PLAAT5: variants seen among roughly 807,000 people sequenced by gnomAD.
PLAAT5 encodes the protein phospholipase A and acyltransferase 5.
In PLAAT5, 27 loss-of-function variants were observed where a neutral mutation model predicts 27.8. The ratio of observed to expected loss-of-function variants is 0.97; its 90% CI spans 0.72 to 1.34. The LOEUF (loss-of-function observed/expected upper bound fraction) is 1.34, where lower values mean the gene tolerates loss of function less well. Ranked by LOEUF, PLAAT5 falls within the 40% of genes most tolerant of loss-of-function variation. The probability of loss-of-function intolerance (pLI) is 0.00; values close to 1 mark genes in which losing one functional copy is unlikely to be tolerated. For synonymous variants in PLAAT5, 125 were observed against 136.1 expected, an observed-to-expected ratio of 0.92 and a Z score of 0.57; for missense variants, 368 against 343.8, an observed-to-expected ratio of 1.07 and a Z score of -0.56.
intron 3 of PLAAT5, among the ~76,000 whole-genome samples, chr11:63,469,103 CGTGT>C (rs34013443): frequency 0.024 from 3,276 of 134,348 alleles, 40 homozygotes; most frequent in East Asian, 0.052. Context: ...TCTCTATTAT[CGTGT>C]GTGTGTGTGT....
At chr11:63,475,394 G>C (rs1590616414) in intron 3 of PLAAT5, among the ~76,000 whole-genome samples, 1 of 152,044 alleles carries the variant, frequency 6.6e-6, no homozygotes, top group South Asian at 2.1e-4. Context: ...TGTCATTATA[G>C]AATGACCCTT....
chr11:63,466,555 G>T (rs554115036), intron 4 of PLAAT5, among the ~76,000 whole-genome samples, 183 bp from the exon 5 acceptor site: 1 of 152,226 alleles, frequency 6.6e-6, no homozygotes, highest in African/African-American at 2.4e-5. Flanking sequence ...GAAGCCCTTT[G>T]CCCTGCGCCT....
Position 63,466,267 on chromosome 11 carries a change from T to C in PLAAT5, c.560A>G (p.Asn187Ser), listed in dbSNP as rs761668281. 16 of 1,614,100 alleles carry C rather than the reference T, an allele frequency of 9.9e-6. No individual in the cohort carries two copies. Among genetic ancestry groups the C allele is most frequent in the African/African-American group, 1.3e-5 (1 of 74,936 alleles). ...DVLHGCSWKV[N>S]NKLDGTYLPL... ...CAGGTACGTCCCATCTAGCTTGTTATTGACCTTCCAGGAGCAGCCATGCAG... is the reference window on the plus strand; with the variant it reads ...CAGGTACGTCCCATCTAGCTTGTTACTGACCTTCCAGGAGCAGCCATGCAG... Residue 187 changes from asparagine (N) to serine (S), a missense_variant, in exon 5 of 6, where the codon AAT becomes AGT. Physicochemically the swap from Asn to Ser is conservative, Grantham distance 46. Transcript: ENST00000540857.
At position 63,468,956 on chromosome 11, in the gene PLAAT5, C is replaced by T. The variant is rs541306741; in HGVS notation, c.346-491G>A. 9.5e-4 allele frequency among the ~76,000 whole-genome samples: 145 copies of T among 152,156 alleles called. 3 individuals carry two copies. The South Asian group carries it at 0.029, about 31-fold the overall frequency. Reference sequence around the variant, plus strand: ...CCAGGATCCTCAAGGCCTCCTGCCCCTGCTGGCACCCTGATTCCCTCTGCA... The same window carrying T: ...CCAGGATCCTCAAGGCCTCCTGCCCTTGCTGGCACCCTGATTCCCTCTGCA... On this transcript the variant is annotated intron_variant, in intron 3 of 5. Transcript: ENST00000540857.
chr11:63,490,113 C>T, intron 2 of PLAAT5, 130 bp downstream of exon 2: 1 of 1,204,244 alleles, frequency 8.3e-7, no homozygotes, highest in Non-Finnish European at 1.2e-6. Context: ...ACCAGCCTTC[C>T]CCTTGCTGGG....
intron 4 of PLAAT5, among the ~76,000 whole-genome samples, chr11:63,466,701 A>G (rs965070220): frequency 2.0e-5 from 3 of 152,174 alleles, no homozygotes; most frequent in African/African-American, 7.2e-5. Flanking sequence ...AGAAGACTTC[A>G]GTAATCTTCA....
intron 3 of PLAAT5, among the ~76,000 whole-genome samples, chr11:63,472,808 C>A (rs1212586870): frequency 1.3e-5 from 2 of 152,028 alleles, no homozygotes; most frequent in Non-Finnish European, 2.9e-5. Flanking sequence ...ATATTTAATT[C>A]TAATGGTTTT....
intron 3 of PLAAT5, among the ~76,000 whole-genome samples, chr11:63,475,446 G>C (rs2016129842): frequency 6.6e-6 from 1 of 151,784 alleles, no homozygotes; most frequent in Non-Finnish European, 1.5e-5. Flanking sequence ...TATTTTGTCT[G>C]ATATTAGTAC....
At position 63,491,080 on chromosome 11, in the gene PLAAT5, C is replaced by T; in HGVS notation, c.-46G>A. ...GGCCCCCAGGCCTTGCAGGGGACTA[C>T]GCCCCTGGCGAGTTCCCAGTCGGCG... On this transcript the variant is annotated 5_prime_UTR_variant, in exon 1 of 6. Transcript: ENST00000540857. The T allele has an allele frequency of 3.8e-6, 5 of 1,327,982 alleles. No homozygotes were observed. Among genetic ancestry groups the T allele is most frequent in the Non-Finnish European group, 4.8e-6 (5 of 1,033,174 alleles). 82.3% of individuals were successfully genotyped at this position (1,327,982 alleles called of 1,614,324 possible). A position where few individuals can be genotyped will look rare whatever the true frequency, so the allele number is the denominator to read the frequency against.
chr11:63,473,788 C>T (rs1217157191), intron 3 of PLAAT5, among the ~76,000 whole-genome samples: 7 of 150,556 alleles, frequency 4.6e-5, no homozygotes, highest in Admixed American at 4.6e-4. Context: ...TCTTGGCTCA[C>T]TGCAACCTCC....
At position 63,466,193 on chromosome 11, in the gene PLAAT5, T is replaced by G. The variant is rs146038106; in HGVS notation, c.634A>C (p.Lys212Gln). 1.9e-6 allele frequency: 3 copies of G among 1,614,102 alleles called. No individual in the cohort carries two copies. The highest frequency in any genetic ancestry group is 2.5e-6 in the Non-Finnish European group (3 of 1,180,018). ...IIQRTKKMVN[K>Q]IVQYSLIEGN... ...TCAATCAGGCTGTACTGCACGATCT[T>G]GTTGACCATCTTTTTTGTACGCTGG... Residue 212 changes from lysine (K) to glutamine (Q), a missense_variant, in exon 5 of 6, where the codon AAG (lysine) becomes CAG (glutamine). Physicochemically the swap from Lys to Gln is moderately conservative, Grantham distance 53. Transcript: ENST00000540857.
chr11:63,486,732 G>A (rs1251771760), intron 3 of PLAAT5, among the ~76,000 whole-genome samples: 1 of 152,136 alleles, frequency 6.6e-6, no homozygotes, highest in Non-Finnish European at 1.5e-5. Flanking sequence ...GGTGATGGAT[G>A]CACTAAAATC....
Position 63,466,107 on chromosome 11 carries a change from C to T in PLAAT5, c.717+3G>A, listed in dbSNP as rs2015853189. 1 of 1,613,034 alleles carries T rather than the reference C, an allele frequency of 6.2e-7. No individual in the cohort carries two copies. The highest frequency in any genetic ancestry group is 8.5e-7 in the Non-Finnish European group (1 of 1,179,580). On this transcript the variant is annotated splice_donor_region_variant and intron_variant, in intron 5 of 5. Coordinates refer to ENST00000540857, the MANE Select transcript of PLAAT5 (RefSeq NM_001146729.2). Reference sequence around the variant, plus strand: ...GCCATCATCAGAGCAAATGGGGTCACACCTGCTGGCTCCGGGGTACGCCAT... The same window carrying T: ...GCCATCATCAGAGCAAATGGGGTCATACCTGCTGGCTCCGGGGTACGCCAT...
At chr11:63,478,113 G>C (rs187634317) in intron 3 of PLAAT5, among the ~76,000 whole-genome samples, 9 of 152,180 alleles carry the variant, frequency 5.9e-5, no homozygotes, top group African/African-American at 1.9e-4. Context: ...TGCAATTTTG[G>C]TCTTCCATGA....
chr11:63,465,879 C>T (rs903899838), intron 5 of PLAAT5, among the ~76,000 whole-genome samples: 1 of 152,144 alleles, frequency 6.6e-6, no homozygotes, highest in African/African-American at 2.4e-5. Flanking sequence ...AATAGTTGAG[C>T]TGGGGCTCCA....
intron 3 of PLAAT5, among the ~76,000 whole-genome samples, chr11:63,487,840 G>A (rs1197209759): frequency 2.6e-5 from 4 of 152,224 alleles, no homozygotes; most frequent in African/African-American, 9.6e-5. Flanking sequence ...CAACAACATG[G>A]ATGTCAGTCA....
chr11:63,472,701 TA>T (rs1298480700), intron 3 of PLAAT5, among the ~76,000 whole-genome samples: 1 of 152,228 alleles, frequency 6.6e-6, no homozygotes, highest in Admixed American at 6.5e-5. Context: ...TGAATAGAAT[TA>T]TTTTTTTAAT....
At chr11:63,483,548 C>A (rs57941227) in intron 3 of PLAAT5, among the ~76,000 whole-genome samples, 1 of 145,832 alleles carries the variant, frequency 6.9e-6, no homozygotes, top group Non-Finnish European at 1.5e-5. Flanking sequence ...TTTAAAAATT[C>A]TTTGAACTGA....
chr11:63,486,128 AT>A (rs138422200), intron 3 of PLAAT5, among the ~76,000 whole-genome samples: 1,966 of 152,306 alleles, frequency 0.013, 20 homozygotes, highest in Middle Eastern at 0.054. Context: ...AATAAAAAAA[AT>A]AATATGTGTT....
Sources: gnomAD v4.1 joint callset for allele counts (sites outside exome capture counted in the v4.1 genomes callset) on GRCh38, gnomAD v4.1.1 for gene constraint, MANE v1.5 for transcripts, NCBI Gene and HGNC (gene_info 2026-07-23, HGNC 2026-07-21) for gene names.